The following TRPM3 variants were observed in gnomAD, a reference collection of about 807,000 sequenced individuals.
TRPM3 encodes the protein transient receptor potential cation channel subfamily M member 3, also known as long transient receptor potential channel 3.
A neutral mutation model predicts 181.2 loss-of-function variants in TRPM3; 77 were observed. The ratio of observed to expected loss-of-function variants is 0.42; its 90% CI spans 0.35 to 0.51. The LOEUF (loss-of-function observed/expected upper bound fraction) is 0.51, where lower values mean the gene tolerates loss of function less well. Ranked by LOEUF, TRPM3 falls within the 20% of genes least tolerant of loss-of-function variation. TRPM3 has a pLI of 0.01. For synonymous variants in TRPM3, 745 were observed against 796.4 expected (o/e 0.94, Z 1.09); for missense variants, 1,759 against 2,196.7 (o/e 0.80, Z 3.98).
intron 6 of TRPM3, chr9:70,827,090 A>G (rs1041282449): frequency 1.3e-5 from 2 of 152,256 alleles, no homozygotes; most frequent in African/African-American, 4.8e-5. Flanking sequence ...TGTGGTTCAC[A>G]TATACATCTA....
At chr9:70,828,270 C>T (rs548045092) in intron 5 of TRPM3, among the ~76,000 whole-genome samples, 28 of 152,108 alleles carry the variant, frequency 1.8e-4, no homozygotes, top group Admixed American at 1.1e-3. Context: ...AGAGATGGTG[C>T]TCTCATTGTA....
intron 3 of TRPM3, among the ~76,000 whole-genome samples, chr9:70,853,564 G>T (rs1430244083): frequency 1.3e-5 from 2 of 152,196 alleles, no homozygotes; most frequent in East Asian, 1.9e-4. Flanking sequence ...AGTACTGGAA[G>T]AATTAGTAAG....
At chr9:70,953,280 G>A (rs1421460389) in intron 1 of TRPM3, among the ~76,000 whole-genome samples, 1 of 152,152 alleles carries the variant, frequency 6.6e-6, no homozygotes, top group Non-Finnish European at 1.5e-5. Context: ...CTGAACATAA[G>A]GGTGGATGAT....
At chr9:71,037,918 TG>T (rs1193385601) in intron 1 of TRPM3, among the ~76,000 whole-genome samples, 1 of 152,228 alleles carries the variant, frequency 6.6e-6, no homozygotes, top group African/African-American at 2.4e-5. Flanking sequence ...TTCAAATAAG[TG>T]GCACAGCCAT....
intron 1 of TRPM3, among the ~76,000 whole-genome samples, chr9:70,949,379 AT>A (rs2096971298): frequency 6.6e-6 from 1 of 152,070 alleles, no homozygotes; most frequent in Non-Finnish European, 1.5e-5. Flanking sequence ...TTCTAAGCAG[AT>A]GTAGCTGTGT....
chr9:71,039,179 A>G (rs1356257881), intron 1 of TRPM3, among the ~76,000 whole-genome samples: 2 of 152,152 alleles, frequency 1.3e-5, no homozygotes, highest in African/African-American at 4.8e-5. Flanking sequence ...GGACTCTGAA[A>G]TCAGACAAAT....
chr9:71,446,397 C>T (rs1194911426), intron 1 of TRPM3, among the ~76,000 whole-genome samples: 1 of 152,138 alleles, frequency 6.6e-6, no homozygotes, highest in African/African-American at 2.4e-5. Context: ...CAGCGAGCCC[C>T]CTCGCCTCTC....
chr9:71,418,098 C>T (rs1356909275), intron 1 of TRPM3, among the ~76,000 whole-genome samples: 1 of 151,660 alleles, frequency 6.6e-6, no homozygotes, highest in African/African-American at 2.4e-5. Context: ...CAATAGTGTG[C>T]TTTAAAATAA....
chr9:70,903,486 C>T (rs2096415726), intron 1 of TRPM3, among the ~76,000 whole-genome samples: 1 of 151,940 alleles, frequency 6.6e-6, no homozygotes, highest in East Asian at 1.9e-4. Context: ...AAGTGGCACT[C>T]CATTCAAAGT....
At chr9:70,862,587 G>T (rs899608578) in intron 3 of TRPM3, among the ~76,000 whole-genome samples, 1 of 152,096 alleles carries the variant, frequency 6.6e-6, no homozygotes, top group African/African-American at 2.4e-5. Flanking sequence ...TAATGGATGA[G>T]ACCCAGAAAA....
At chr9:70,911,274 C>T (rs527301487) in intron 1 of TRPM3, among the ~76,000 whole-genome samples, 12 of 152,242 alleles carry the variant, frequency 7.9e-5, no homozygotes, top group African/African-American at 2.9e-4. Flanking sequence ...TGTTCCCCAC[C>T]CTTTCTGGCC....
At chr9:71,166,949 C>T (rs2076569513) in intron 1 of TRPM3, among the ~76,000 whole-genome samples, 2 of 152,076 alleles carry the variant, frequency 1.3e-5, no homozygotes, top group South Asian at 4.1e-4. Flanking sequence ...ATGAAAATGT[C>T]CCAGGTACTG....
chr9:71,105,239 C>T (rs1472181269), intron 1 of TRPM3, among the ~76,000 whole-genome samples: 2 of 152,170 alleles, frequency 1.3e-5, no homozygotes, highest in African/African-American at 2.4e-5. Context: ...AAGTTCTAGA[C>T]AGGCAAAACT....
intron 24 of TRPM3, among the ~76,000 whole-genome samples, 195 bp from the exon 25 acceptor site, chr9:70,549,869 T>C (rs1437535096): frequency 6.6e-6 from 1 of 152,138 alleles, no homozygotes; most frequent in Non-Finnish European, 1.5e-5. Context: ...TGAAATTTAT[T>C]ATGGGTCTCT....
chr9:70,897,124 GA>G (rs2096290087), intron 1 of TRPM3, among the ~76,000 whole-genome samples: 1 of 145,248 alleles, frequency 6.9e-6, no homozygotes, highest in South Asian at 2.2e-4. Context: ...TAGCTATTTT[GA>G]AATATACAAT....
At chr9:71,170,666 C>T (rs1393887521) in intron 1 of TRPM3, among the ~76,000 whole-genome samples, 2 of 152,204 alleles carry the variant, frequency 1.3e-5, no homozygotes, top group African/African-American at 4.8e-5. Context: ...CTTATCACTT[C>T]TCCAATCAAT....
chr9:70,761,713 T>G lies in TRPM3; in HGVS notation c.1160A>C (p.Glu387Ala). ...KYSEEGGLIN[E>A]SLRDQLLVTI... The stretch of plus-strand genomic sequence containing the variant: ...CACCAACAGCTGGTCCCTCAAAGAT[T>G]CATTTATCAGTCTGCAAGTAAAAAC... Residue 387 changes from glutamate to alanine, a missense_variant, in exon 8 of 26, where the codon GAA becomes GCA. This residue lies in a region of TRPM3 where 737 missense variants were observed against 957.4 expected (regional missense o/e 0.77). Transcript: ENST00000677713. 2 of 1,610,916 alleles carry G rather than the reference T, an allele frequency of 1.2e-6. No homozygotes were observed. Among genetic ancestry groups the G allele is most frequent in the Non-Finnish European group, 1.7e-6 (2 of 1,177,536 alleles).
chr9:71,357,659 T>G (rs576806339), intron 1 of TRPM3, among the ~76,000 whole-genome samples: 1 of 151,780 alleles, frequency 6.6e-6, no homozygotes, highest in South Asian at 2.1e-4. Context: ...GAAATACAAA[T>G]CATGCTGTCT....
At position 71,080,170 on chromosome 9, in the gene TRPM3, C is replaced by CT. The variant is rs2064046601; in HGVS notation, c.177+41007_177+41008insA. On this transcript the variant is annotated intron_variant, in intron 1 of 25. Transcript: ENST00000677713. ...GGACAACAAGAGTCAAACTCCATCT[C>CT]AAAATAAATAAATAAATAAATAAAT... Among the ~76,000 whole-genome samples, 21 of 20,586 alleles carry CT rather than the reference C, an allele frequency of 1.0e-3. No individual in the cohort carries two copies. In the Admixed American group the frequency reaches 0.011, roughly 11 times the overall value. The allele number at this position is 20,586 out of a possible 152,430, so 13.5% of individuals were successfully genotyped here.
Sources: gnomAD v4.1 joint callset for allele counts (sites outside exome capture counted in the v4.1 genomes callset) on GRCh38, gnomAD v4.1.1 for gene constraint, gnomAD v4.1.1 regional missense constraint, MANE v1.5 for transcripts, NCBI Gene and HGNC (gene_info 2026-07-23, HGNC 2026-07-21) for gene names.